ANKRD17: variants seen among roughly 807,000 people sequenced by gnomAD.
The protein encoded by ANKRD17 is ankyrin repeat domain-containing protein 17.
ANKRD17 carries 19 observed loss-of-function variants against 229.7 expected under a neutral mutation model. The observed-to-expected ratio is 0.08, with a 90% confidence interval of 0.06 to 0.12. The LOEUF is 0.12. ANKRD17 is among the 10% of genes least tolerant of loss of function. ANKRD17 has a pLI of 1.00. For synonymous variants in ANKRD17, 1,112 were observed against 1,146.1 expected, an observed-to-expected ratio of 0.97 and a Z score of 0.60; for missense variants, 2,176 against 3,176.8, an observed-to-expected ratio of 0.68 and a Z score of 7.57.
chr4:73,233,212 A>C (rs893302178), intron 1 of ANKRD17, among the ~76,000 whole-genome samples: 2 of 152,118 alleles, frequency 1.3e-5, no homozygotes, highest in African/African-American at 4.8e-5. Context: ...TTTTGCTTTC[A>C]TATCTTGATT....
intron 1 of ANKRD17, among the ~76,000 whole-genome samples, chr4:73,219,095 T>C (rs1204381853): frequency 1.3e-5 from 2 of 152,132 alleles, no homozygotes; most frequent in Non-Finnish European, 2.9e-5. Flanking sequence ...TGTCCAACAT[T>C]TCTCAACTTG....
intron 5 of ANKRD17, among the ~76,000 whole-genome samples, chr4:73,155,040 C>CAAAA (rs528971172): frequency 3.4e-5 from 2 of 59,584 alleles, no homozygotes; most frequent in Admixed American, 1.9e-4. Context: ...GACTCCGTCT[C>CAAAA]AAAAAAAAAA....
At chr4:73,168,978 T>C (rs1431681315) in intron 2 of ANKRD17, 1 of 152,202 alleles carries the variant, frequency 6.6e-6, no homozygotes, top group Non-Finnish European at 1.5e-5. Context: ...CCCTTCTTAG[T>C]GTCCATGTGT....
At chr4:73,203,949 A>T (rs1311305238) in intron 1 of ANKRD17, among the ~76,000 whole-genome samples, 2 of 152,078 alleles carry the variant, frequency 1.3e-5, no homozygotes, top group Non-Finnish European at 2.9e-5. Flanking sequence ...AAAAACAGCC[A>T]TGGGGGGGAA....
chr4:73,086,588 G>A (rs948612216), intron 29 of ANKRD17, among the ~76,000 whole-genome samples: 2 of 151,290 alleles, frequency 1.3e-5, no homozygotes, highest in Admixed American at 6.6e-5. Flanking sequence ...AATTGTCAAC[G>A]ATTTTTTTTT....
intron 1 of ANKRD17, among the ~76,000 whole-genome samples, chr4:73,219,730 C>T (rs1560747928): frequency 6.6e-6 from 1 of 152,080 alleles, no homozygotes; most frequent in Non-Finnish European, 1.5e-5. Context: ...ACAGATGAAG[C>T]TGGACATCCT....
intron 24 of ANKRD17, among the ~76,000 whole-genome samples, chr4:73,104,907 T>C (rs947457547): frequency 1.3e-5 from 2 of 152,132 alleles, no homozygotes; most frequent in Admixed American, 6.6e-5. Context: ...GATATGTAAA[T>C]TTCTCAGGGC....
chr4:73,243,703 T>G lies in ANKRD17; in HGVS notation c.393+14573A>C, dbSNP rs114552968. 3.0e-3 allele frequency among the ~76,000 whole-genome samples: 452 copies of G among 152,316 alleles called. 6 individuals are homozygous for G. The highest frequency in any genetic ancestry group is 0.01 in the African/African-American group (432 of 41,568). ...TCCAATATCCACAGTCCCCTTCTTT[T>G]AGCAAAAGACTACTTCTCCACAAGT... On this transcript the variant is annotated intron_variant, in intron 1 of 33. Transcript: ENST00000358602.
At chr4:73,205,821 A>G (rs780036735) in intron 1 of ANKRD17, among the ~76,000 whole-genome samples, 2 of 152,214 alleles carry the variant, frequency 1.3e-5, no homozygotes, top group Non-Finnish European at 2.9e-5. Context: ...GAAATGGGAG[A>G]AAATATTTTT....
chr4:73,229,874 T>C (rs1332991717), intron 1 of ANKRD17, among the ~76,000 whole-genome samples: 1 of 152,178 alleles, frequency 6.6e-6, no homozygotes, highest in Non-Finnish European at 1.5e-5. Context: ...AATAAAATAC[T>C]GCTGGATACA....
At chr4:73,133,040 G>A (rs556861930) in intron 16 of ANKRD17, among the ~76,000 whole-genome samples, 5 of 152,098 alleles carry the variant, frequency 3.3e-5, no homozygotes, top group African/African-American at 1.2e-4. Context: ...TGAGGTCAAC[G>A]AGTTTGAAAC....
intron 16 of ANKRD17, among the ~76,000 whole-genome samples, chr4:73,131,008 A>C (rs928067013): frequency 1.3e-5 from 2 of 152,142 alleles, no homozygotes; most frequent in African/African-American, 4.8e-5. Flanking sequence ...CTCAACTTAA[A>C]CTCAAGCAAA....
chr4:73,200,482 G>T (rs1482136962), intron 1 of ANKRD17, among the ~76,000 whole-genome samples: 1 of 152,048 alleles, frequency 6.6e-6, no homozygotes, highest in Non-Finnish European at 1.5e-5. Context: ...CAGATACTAT[G>T]ATTTAATAGT....
At chr4:73,099,960 C>A (rs1723763650) in intron 25 of ANKRD17, among the ~76,000 whole-genome samples, 1 of 152,154 alleles carries the variant, frequency 6.6e-6, no homozygotes, top group South Asian at 2.1e-4. Context: ...ACTTACTTTG[C>A]TTCTGCCACT....
At chr4:73,142,795 T>A in intron 11 of ANKRD17, 28 bp from the exon 12 acceptor site, 1 of 1,585,438 alleles carries the variant, frequency 6.3e-7, no homozygotes, top group Non-Finnish European at 8.6e-7. Context: ...TGGAAAATCA[T>A]ATTAGTAGAA....
Position 73,199,221 on chromosome 4 carries a change from CTGTGTGTGTGTGTGTGTGTG to C in ANKRD17, c.394-21708_394-21689del, listed in dbSNP as rs10577503. Among the ~76,000 whole-genome samples the C allele has an allele frequency of 9.3e-4, 131 of 140,474 alleles. 4 individuals carry two copies. In the South Asian group the frequency reaches 0.031, roughly 33 times the overall value. 92.2% of individuals were successfully genotyped at this position (140,474 alleles called of 152,430 possible). A position where few individuals can be genotyped will look rare whatever the true frequency, so the allele number is the denominator to read the frequency against. ...CAGGCTGCGAAAACATACAGTTTGG[CTGTGTGTGTGTGTGTGTGTG>C]TGTGTGTGTGTGTGTGTTGGGAGGA... is the stretch of plus-strand genomic sequence containing the variant. On this transcript the variant is annotated intron_variant, in intron 1 of 33. Transcript: ENST00000358602.
chr4:73,077,036 T>C lies in ANKRD17; in HGVS notation c.7656A>G (p.Gly2552=), dbSNP rs1721072132. ...PPVAPIPDGA[G]GPIFNGPHAA... ...CATGAGGGCCATTAAATATGGGTCCTCCAGCACCATCAGGGATAGGTGCTA... is the reference window on the plus strand; with the variant it reads ...CATGAGGGCCATTAAATATGGGTCCCCCAGCACCATCAGGGATAGGTGCTA... The change falls in exon 33 of 34, where the codon GGA becomes GGG. Residue 2552 remains glycine (G), a synonymous_variant. Transcript: ENST00000358602. 6.2e-7 allele frequency: 1 copy of C among 1,613,586 alleles called. No homozygotes were observed. The highest frequency in any genetic ancestry group is 8.5e-7 in the Non-Finnish European group (1 of 1,179,842).
intron 1 of ANKRD17, among the ~76,000 whole-genome samples, chr4:73,207,552 GAGAT>G (rs1739638418): frequency 1.3e-5 from 2 of 152,310 alleles, no homozygotes; most frequent in African/African-American, 4.8e-5. Flanking sequence ...TATAAAGACA[GAGAT>G]AGGTTAAAAG....
intron 14 of ANKRD17, among the ~76,000 whole-genome samples, chr4:73,141,216 C>T (rs1042142643): frequency 2.0e-5 from 3 of 152,180 alleles, no homozygotes; most frequent in Admixed American, 6.5e-5. Flanking sequence ...CTTAAGAACA[C>T]ACATGGTGTA....
Sources: allele counts gnomAD v4.1 joint callset (sites outside exome capture counted in the v4.1 genomes callset), GRCh38; gene constraint gnomAD v4.1.1; transcripts MANE v1.5; gene names NCBI Gene and HGNC (gene_info 2026-07-23, HGNC 2026-07-21).